PAPPA2: variants seen among roughly 807,000 people sequenced by gnomAD.
PAPPA2 encodes pappalysin-2.
In PAPPA2, 86 loss-of-function variants were observed where a neutral mutation model predicts 176.4. That is an observed-to-expected ratio of 0.49 (90% CI 0.41 to 0.58). PAPPA2 has a LOEUF of 0.58. Among genes scored for constraint, PAPPA2 ranks in the 20% least tolerant of loss-of-function variants. PAPPA2 has a pLI of 0.00. For missense variants in PAPPA2, 2,073 were observed against 2,256.9 expected (o/e 0.92, Z 1.65); for synonymous variants, 809 against 852.2 (o/e 0.95, Z 0.88).
chr1:176,505,723 C>CA (rs1012146450), intron 1 of PAPPA2, among the ~76,000 whole-genome samples: 55 of 150,988 alleles, frequency 3.6e-4, no homozygotes, highest in African/African-American at 8.7e-4. Flanking sequence ...GACTCTGTCT[C>CA]AAAAAAAACC....
chr1:176,831,496 T>C (rs1477847874), intron 21 of PAPPA2, among the ~76,000 whole-genome samples: 1 of 152,206 alleles, frequency 6.6e-6, no homozygotes, highest in Non-Finnish European at 1.5e-5. Context: ...ACCTGAACAC[T>C]GTCTTTCCCA....
At chr1:176,589,460 A>G (rs371546560) in intron 2 of PAPPA2, among the ~76,000 whole-genome samples, 2 of 152,224 alleles carry the variant, frequency 1.3e-5, no homozygotes, top group Admixed American at 1.3e-4. Context: ...GATTAAGTAC[A>G]AGGTAAGGTG....
intron 21 of PAPPA2, among the ~76,000 whole-genome samples, chr1:176,834,490 T>C (rs1667193876): frequency 6.6e-6 from 1 of 152,222 alleles, no homozygotes; most frequent in South Asian, 2.1e-4. Flanking sequence ...GGTTTTAGCA[T>C]TCTGAGTCTT....
At chr1:176,499,403 C>T (rs904762335) in intron 1 of PAPPA2, among the ~76,000 whole-genome samples, 3 of 152,162 alleles carry the variant, frequency 2.0e-5, no homozygotes, top group Admixed American at 2.0e-4. Flanking sequence ...CTGCCTCAAA[C>T]TTATTCCAAA....
chr1:176,779,519 C>CACAGAGAG (rs1451138087), intron 17 of PAPPA2, among the ~76,000 whole-genome samples: 5 of 102,538 alleles, frequency 4.9e-5, no homozygotes, highest in African/African-American at 1.7e-4. Flanking sequence ...CACACACACA[C>CACAGAGAG]AGAGAGAGAG....
At chr1:176,631,122 A>G (rs61821154) in intron 3 of PAPPA2, among the ~76,000 whole-genome samples, 214 of 152,342 alleles carry the variant, frequency 1.4e-3, no homozygotes, top group Non-Finnish European at 2.5e-3. Context: ...ATGTAGTCCC[A>G]GGAATTTAGA....
At chr1:176,708,867 C>G (rs1403727024) in intron 10 of PAPPA2, among the ~76,000 whole-genome samples, 3 of 152,070 alleles carry the variant, frequency 2.0e-5, no homozygotes, top group African/African-American at 7.2e-5. Context: ...TAGTAATGCT[C>G]TTATTGAATA....
At position 176,535,150 on chromosome 1, in the gene PAPPA2, A is replaced by C. The variant is rs145615836; in HGVS notation, c.-916-20257A>C. Among the ~76,000 whole-genome samples, 4 of 152,240 alleles carry C rather than the reference A, an allele frequency of 2.6e-5. No individual in the cohort carries two copies. In the East Asian group the frequency reaches 7.7e-4, roughly 29 times the overall value. On this transcript the variant is annotated intron_variant, in intron 1 of 22. Coordinates refer to ENST00000367662, the MANE Select transcript of PAPPA2 (RefSeq NM_020318.3). ...AAAGAGGTAAAGGATAAAAGAATAA[A>C]ATGTGCGAAAAAAGTGTCCTCAGAA...
In PAPPA2 at chr1:176,512,221, CAAAAAAA is replaced by C. The variant is rs58968098; in HGVS notation, c.-916-43171_-916-43165del. On this transcript the variant is annotated intron_variant, in intron 1 of 22. Coordinates refer to ENST00000367662, the MANE Select transcript of PAPPA2 (RefSeq NM_020318.3). ...TACATCTTTACTAAGACTAAATTTG[CAAAAAAA>C]AAAAAAAAAAAAAAGACCACATTAA... Among the ~76,000 whole-genome samples, 68 of 105,712 alleles carry C rather than the reference CAAAAAAA, an allele frequency of 6.4e-4. 1 individual carries two copies. In the Middle Eastern group the frequency reaches 0.016, roughly 26 times the overall value. 69.4% of individuals were successfully genotyped at this position (105,712 alleles called of 152,430 possible).
chr1:176,735,681 T>A (rs769123724), intron 12 of PAPPA2, among the ~76,000 whole-genome samples: 2 of 1,318 alleles, frequency 1.5e-3, no homozygotes, highest in Non-Finnish European at 3.2e-3. Flanking sequence ...TCTCAGAATC[T>A]ATCTATCTAT....
intron 2 of PAPPA2, among the ~76,000 whole-genome samples, chr1:176,584,834 A>G (rs373546868): frequency 2.0e-5 from 3 of 152,198 alleles, no homozygotes; most frequent in East Asian, 1.9e-4. Flanking sequence ...TCCCAGGTTG[A>G]AGCAATTCTC....
At chr1:176,685,084 CT>C (rs71644479) in intron 4 of PAPPA2, among the ~76,000 whole-genome samples, 10,343 of 144,260 alleles carry the variant, frequency 0.072, 376 homozygotes, top group South Asian at 0.15. Context: ...CCCCACCTTC[CT>C]TTTTTTTTTT....
At chr1:176,550,228 T>C (rs1479488288) in intron 1 of PAPPA2, among the ~76,000 whole-genome samples, 2 of 152,258 alleles carry the variant, frequency 1.3e-5, no homozygotes, top group Non-Finnish European at 2.9e-5. Flanking sequence ...TGTCCTCATC[T>C]GTAAGATGGG....
chr1:176,800,498 A>G (rs1665636422), intron 21 of PAPPA2, among the ~76,000 whole-genome samples: 1 of 152,222 alleles, frequency 6.6e-6, no homozygotes, highest in Admixed American at 6.5e-5. Flanking sequence ...CACAATGTCT[A>G]AAACCAATTT....
At chr1:176,822,938 A>G (rs988351983) in intron 21 of PAPPA2, among the ~76,000 whole-genome samples, 4 of 152,216 alleles carry the variant, frequency 2.6e-5, no homozygotes, top group African/African-American at 9.6e-5. Context: ...AAATTAAGGT[A>G]ATAACCACCA....
rs192696642 is a variant in PAPPA2 at position 176,822,654 on chromosome 1, G to C, written c.5203-17519G>C. ...TTTGTAAACTGCAAGGATCTCCTAC[G>C]TGTTGATTTAATCCAATTGAAGGTC... On this transcript the variant is annotated intron_variant, in intron 21 of 22. Transcript: ENST00000367662. Among the ~76,000 whole-genome samples, 108 of 152,240 alleles carry C rather than the reference G, an allele frequency of 7.1e-4. No homozygotes were observed. In the Middle Eastern group the frequency reaches 0.01, roughly 14 times the overall value.
intron 3 of PAPPA2, among the ~76,000 whole-genome samples, chr1:176,651,162 G>A (rs1223094333): frequency 6.6e-6 from 1 of 151,494 alleles, no homozygotes; most frequent in Non-Finnish European, 1.5e-5. Flanking sequence ...TGAATTGATT[G>A]CACACCACAA....
At chr1:176,734,010 A>G (rs925542127) in intron 12 of PAPPA2, among the ~76,000 whole-genome samples, 22 of 152,072 alleles carry the variant, frequency 1.4e-4, no homozygotes, top group African/African-American at 5.1e-4. Flanking sequence ...ATGTCCTTGT[A>G]TAGAGAGGTT....
intron 4 of PAPPA2, among the ~76,000 whole-genome samples, chr1:176,681,068 G>A (rs536424191): frequency 6.6e-6 from 1 of 151,848 alleles, no homozygotes; most frequent in African/African-American, 2.4e-5. Context: ...ACTAAGAAGG[G>A]GCTTCCATGG....
Sources: gnomAD v4.1 joint callset for allele counts (sites outside exome capture counted in the v4.1 genomes callset) on GRCh38, gnomAD v4.1.1 for gene constraint, MANE v1.5 for transcripts, NCBI Gene and HGNC (gene_info 2026-07-23, HGNC 2026-07-21) for gene names.